Variants in RNF216 observed in about 807,000 individuals in gnomAD.
The protein encoded by RNF216 is ring finger protein 216.
A neutral mutation model predicts 110.8 loss-of-function variants in RNF216; 72 were observed. The observed-to-expected ratio is 0.65, with a 90% CI of 0.54 to 0.79. The LOEUF (loss-of-function observed/expected upper bound fraction) is 0.79, where lower values mean the gene tolerates loss of function less well. Among genes scored for constraint, RNF216 ranks in the 30% least tolerant of loss-of-function variants. The pLI, the probability that RNF216 is intolerant of heterozygous loss-of-function variation, is 0.00. For missense variants in RNF216, 1,342 were observed against 1,141.2 expected (o/e 1.18, Z -2.54); for synonymous variants, 495 against 407.5 (o/e 1.21, Z -2.59).
At chr7:5,648,664 C>A (rs1788195979) in intron 14 of RNF216, among the ~76,000 whole-genome samples, 1 of 149,686 alleles carries the variant, frequency 6.7e-6, no homozygotes, top group Non-Finnish European at 1.5e-5. Flanking sequence ...GGAGGCAGAG[C>A]TTGCAGTGAG....
At position 5,624,271 on chromosome 7, in the gene RNF216, GTTCC is replaced by G. The variant is rs1332962216; in HGVS notation, c.2383-150_2383-147del. ...GCCAGTGGGGCCTGGGCTGCACACC[GTTCC>G]TTCCTATTTCCCCGAAGGCCTCCTT... On this transcript the variant is annotated intron_variant, in intron 15 of 16. Transcript: ENST00000389902. The surrounding 1 kb of genome is among the most constrained non-coding windows in gnomAD (Gnocchi z 4.4). 2 of 650,080 alleles carry G rather than the reference GTTCC, an allele frequency of 3.1e-6. No homozygotes were observed. Among genetic ancestry groups the G allele is most frequent in the African/African-American group, 1.8e-5 (1 of 54,944 alleles). The allele number at this position is 650,080 out of a possible 1,614,324, so 40.3% of individuals were successfully genotyped here.
At chr7:5,771,836 A>T (rs923625909) in intron 1 of RNF216, among the ~76,000 whole-genome samples, 1 of 151,900 alleles carries the variant, frequency 6.6e-6, no homozygotes, top group African/African-American at 2.4e-5. Context: ...AAATGGGGCA[A>T]ACAATTTGAA....
chr7:5,684,094 CTTTTTTTTTT>C (rs10608511), intron 13 of RNF216, among the ~76,000 whole-genome samples: 60 of 61,842 alleles, frequency 9.7e-4, no homozygotes, highest in Non-Finnish European at 2.8e-4. Context: ...GCTGGGCCTT[CTTTTTTTTTT>C]TTTTTTTTTT....
At chr7:5,674,455 C>T (rs1584426773) in intron 13 of RNF216, among the ~76,000 whole-genome samples, 1 of 150,772 alleles carries the variant, frequency 6.6e-6, no homozygotes, top group East Asian at 1.9e-4. Flanking sequence ...CTGCACCCAG[C>T]CCTACATCTC....
rs1787720981 is a variant in RNF216 at position 5,641,337 on chromosome 7, G to A, written c.2199C>T (p.His733=). The change falls in exon 15 of 17, where the codon CAC becomes CAT. Residue 733 remains histidine (H), a synonymous_variant. Transcript: ENST00000389902. ...ATTTGATGAGGCCAGTCCCACACTTGTGGCATTTTCTAATGCGGGCAGCAG... is the reference window on the plus strand; with the variant it reads ...ATTTGATGAGGCCAGTCCCACACTTATGGCATTTTCTAATGCGGGCAGCAG... ...KMTAARIRKC[H]KCGTGLIKSE... 2 of 1,614,010 alleles carry A rather than the reference G, an allele frequency of 1.2e-6. No individual in the cohort carries two copies. Among genetic ancestry groups the A allele is most frequent in the African/African-American group, 1.3e-5 (1 of 74,920 alleles).
At chr7:5,651,404 T>C (rs910923132) in intron 14 of RNF216, among the ~76,000 whole-genome samples, 1 of 151,952 alleles carries the variant, frequency 6.6e-6, no homozygotes, top group African/African-American at 2.4e-5. Context: ...ATTTTATTTT[T>C]TATTTTTTGT....
At chr7:5,676,355 A>G (rs1171738485) in intron 13 of RNF216, among the ~76,000 whole-genome samples, 3 of 152,178 alleles carry the variant, frequency 2.0e-5, no homozygotes, top group Non-Finnish European at 4.4e-5. Flanking sequence ...TATATACCTT[A>G]TAATTTTATG....
chr7:5,634,279 C>T (rs916978879), intron 15 of RNF216, among the ~76,000 whole-genome samples: 8 of 148,112 alleles, frequency 5.4e-5, no homozygotes, highest in East Asian at 2.1e-4. Context: ...AATTGCAAGT[C>T]GACTGGTGCT....
rs559963515 is a variant in RNF216 at position 5,770,845 on chromosome 7, T to C, written c.-69-9707A>G. Among the ~76,000 whole-genome samples the C allele has an allele frequency of 2.0e-5, 3 of 151,936 alleles. No individual in the cohort carries two copies. The East Asian group carries it at 5.8e-4, about 29-fold the overall frequency. ...CCCCCCGAAACAGTGTCTTGCTCTG[T>C]CGCCCAGGCCGGAGTGCAGTGGTGT... On this transcript the variant is annotated intron_variant, in intron 1 of 16. Coordinates refer to ENST00000389902, the MANE Select transcript of RNF216 (RefSeq NM_207111.4).
chr7:5,678,708 C>T (rs1022077258), intron 13 of RNF216, among the ~76,000 whole-genome samples: 1 of 152,250 alleles, frequency 6.6e-6, no homozygotes, highest in South Asian at 2.1e-4. Context: ...ACCCTCCAAG[C>T]ACGCTTCCAG....
At chr7:5,648,596 C>T (rs1405465300) in intron 14 of RNF216, among the ~76,000 whole-genome samples, 8 of 151,612 alleles carry the variant, frequency 5.3e-5, no homozygotes, top group South Asian at 2.1e-4. Flanking sequence ...GGCATGGTGG[C>T]GGGCACTCAT....
In RNF216 at chr7:5,725,400, T is replaced by C; in HGVS notation, c.1428A>G (p.Ser476=). 6.2e-7 allele frequency: 1 copy of C among 1,613,746 alleles called. No homozygotes were observed. The highest frequency in any genetic ancestry group is 8.5e-7 in the Non-Finnish European group (1 of 1,179,616). Reference sequence around the variant, plus strand: ...TCTTCCTTTTTCCACTGGTTTCTGGTGACAGCTCCTGCCATTTTTTAATGG... The same window carrying C: ...TCTTCCTTTTTCCACTGGTTTCTGGCGACAGCTCCTGCCATTTTTTAATGG... ...SDAIKKWQEL[S]PETSGKRKKR... Residue 476 remains serine (S), a synonymous_variant, in exon 8 of 17, where the codon TCA becomes TCG. Coordinates refer to ENST00000389902, the MANE Select transcript of RNF216 (RefSeq NM_207111.4).
intron 14 of RNF216, among the ~76,000 whole-genome samples, chr7:5,642,721 C>T (rs915320649): frequency 5.3e-5 from 8 of 152,072 alleles, no homozygotes; most frequent in Non-Finnish European, 7.4e-5. Context: ...TCAAGTGATC[C>T]GCCTGCCTCA....
rs143820938 is a variant in RNF216, at chr7:5,689,164, G to C, written c.2061+22597C>G. ...CAAAAGCACAGGAGGGAGGTGGAAG[G>C]GGGTCCTGGAGTGCAGCGCTAAGGG... On this transcript the variant is annotated intron_variant, in intron 13 of 16. Coordinates refer to ENST00000389902, the MANE Select transcript of RNF216 (RefSeq NM_207111.4). Among the ~76,000 whole-genome samples the C allele has an allele frequency of 4.0e-3, 616 of 152,114 alleles. 3 individuals are homozygous for C. The highest frequency in any genetic ancestry group is 0.014 in the Middle Eastern group (4 of 294).
intron 3 of RNF216, among the ~76,000 whole-genome samples, chr7:5,750,118 A>G (rs956178973): frequency 6.6e-6 from 1 of 152,182 alleles, no homozygotes; most frequent in African/African-American, 2.4e-5. Flanking sequence ...CCTTTTAATA[A>G]AAGGACACAA....
intron 1 of RNF216, among the ~76,000 whole-genome samples, chr7:5,767,166 G>T (rs1424877651): frequency 6.6e-6 from 1 of 152,144 alleles, no homozygotes; most frequent in Non-Finnish European, 1.5e-5. Flanking sequence ...ACTACAGAAA[G>T]GACGAATATA....
At chr7:5,779,625 G>C (rs1156685572) in intron 1 of RNF216, among the ~76,000 whole-genome samples, 1 of 148,200 alleles carries the variant, frequency 6.7e-6, no homozygotes, top group Non-Finnish European at 1.5e-5. Flanking sequence ...TTAAACCCAG[G>C]AGTTGGGCAG....
At chr7:5,716,211 C>T (rs745613441) in intron 10 of RNF216, among the ~76,000 whole-genome samples, 1 of 152,058 alleles carries the variant, frequency 6.6e-6, no homozygotes, top group Non-Finnish European at 1.5e-5. Context: ...TTCTTAATAC[C>T]ACATTAGAAA....
At chr7:5,638,001 C>A (rs936496659) in intron 15 of RNF216, among the ~76,000 whole-genome samples, 3 of 152,218 alleles carry the variant, frequency 2.0e-5, no homozygotes, top group African/African-American at 7.2e-5. Context: ...CCGCAACAAC[C>A]TGTAGTGGCT....
Sources: gnomAD v4.1 joint callset for allele counts (sites outside exome capture counted in the v4.1 genomes callset) on GRCh38, gnomAD v4.1.1 for gene constraint, Gnocchi (gnomAD v3.1) non-coding constraint, MANE v1.5 for transcripts, NCBI Gene and HGNC (gene_info 2026-07-23, HGNC 2026-07-21) for gene names.